ACYP2: variants seen among roughly 807,000 people sequenced by gnomAD.
ACYP2 encodes the protein acylphosphatase 2, also known as acylphosphatase-2.
A neutral mutation model predicts 11.2 loss-of-function variants in ACYP2; 12 were observed. The ratio of observed to expected loss-of-function variants is 1.08; its 90% CI spans 0.69 to 1.74. The LOEUF is 1.74. Ranked by LOEUF, ACYP2 falls within the 40% of genes most tolerant of loss-of-function variation. The probability of loss-of-function intolerance (pLI) is 0.00; values close to 1 mark genes in which losing one functional copy is unlikely to be tolerated. For synonymous variants in ACYP2, 43 were observed against 32.2 expected (o/e 1.33, Z -1.13); for missense variants, 134 against 101.9 (o/e 1.31, Z -1.35).
At chr2:54,123,295 C>A (rs28445376) in intron 4 of ACYP2, 10,069 of 398,258 alleles carry the variant, frequency 0.025, 752 homozygotes, top group African/African-American at 0.17. Context: ...TTCTACTTGC[C>A]GTACTTCAAG....
chr2:54,123,775 G>A (rs1344079196), intron 4 of ACYP2, among the ~76,000 whole-genome samples: 2 of 152,080 alleles, frequency 1.3e-5, no homozygotes, highest in East Asian at 1.9e-4. Context: ...GAGAAAAAAG[G>A]GTACCAGTGC....
chr2:54,163,489 CAGAG>C (rs1385521300), intron 6 of ACYP2, among the ~76,000 whole-genome samples: 14 of 152,136 alleles, frequency 9.2e-5, no homozygotes, highest in Admixed American at 2.6e-4. Flanking sequence ...ATTATGAAGT[CAGAG>C]AGAAAGTCCT....
intron 2 of ACYP2, among the ~76,000 whole-genome samples, chr2:53,984,476 C>A (rs1012370100): frequency 6.6e-6 from 1 of 151,596 alleles, no homozygotes; most frequent in African/African-American, 2.4e-5. Flanking sequence ...AATTGGGAGG[C>A]TGAGGCAGGA....
chr2:54,197,025 G>C (rs1684517713), intron 6 of ACYP2, among the ~76,000 whole-genome samples: 1 of 152,212 alleles, frequency 6.6e-6, no homozygotes, highest in Non-Finnish European at 1.5e-5. Flanking sequence ...TGTGTTAGGA[G>C]AAGGTACTAA....
chr2:54,117,675 T>G (rs1679893308), intron 4 of ACYP2, among the ~76,000 whole-genome samples: 1 of 152,212 alleles, frequency 6.6e-6, no homozygotes, highest in African/African-American at 2.4e-5. Context: ...TATTTGGTAC[T>G]CTAGAGGTTT....
chr2:54,097,950 T>G (rs1678685538), intron 4 of ACYP2, among the ~76,000 whole-genome samples: 1 of 145,348 alleles, frequency 6.9e-6, no homozygotes. Flanking sequence ...CCTTGTTTCT[T>G]TCTCTCCTTC....
At chr2:54,163,583 G>A (rs909338582) in intron 6 of ACYP2, among the ~76,000 whole-genome samples, 3 of 152,092 alleles carry the variant, frequency 2.0e-5, no homozygotes, top group African/African-American at 4.8e-5. Flanking sequence ...GGCTGGGGGC[G>A]GTGGCTCACG....
At chr2:54,043,104 A>T (rs920099525) in intron 2 of ACYP2, among the ~76,000 whole-genome samples, 1 of 151,736 alleles carries the variant, frequency 6.6e-6, no homozygotes, top group African/African-American at 2.4e-5. Context: ...TGTGTCTGCT[A>T]TTTTAAAACT....
chr2:54,015,577 A>T (rs996808100), intron 2 of ACYP2, among the ~76,000 whole-genome samples: 1 of 150,204 alleles, frequency 6.7e-6, no homozygotes, highest in East Asian at 2.0e-4. Flanking sequence ...GAGCCTGGGG[A>T]GGTGGAGGAT....
At chr2:54,242,664 GC>G (rs1686780176) in intron 6 of ACYP2, among the ~76,000 whole-genome samples, 1 of 152,090 alleles carries the variant, frequency 6.6e-6, no homozygotes, top group African/African-American at 2.4e-5. Flanking sequence ...TGTTACAGTT[GC>G]CTACACTATT....
At chr2:54,211,115 G>A (rs1228001810) in intron 6 of ACYP2, among the ~76,000 whole-genome samples, 3 of 152,026 alleles carry the variant, frequency 2.0e-5, no homozygotes, top group Non-Finnish European at 4.4e-5. Context: ...TCAGTTGCAT[G>A]GGGTCATCTG....
At chr2:54,143,731 C>T (rs1474893738) in intron 6 of ACYP2, among the ~76,000 whole-genome samples, 6 of 109,288 alleles carry the variant, frequency 5.5e-5, no homozygotes, top group Admixed American at 1.1e-4. Context: ...CATACCCAGC[C>T]GGTTTTTTTT....
chr2:53,980,181 C>T (rs1023036535), intron 2 of ACYP2, among the ~76,000 whole-genome samples: 5 of 151,630 alleles, frequency 3.3e-5, no homozygotes, highest in Admixed American at 2.0e-4. Flanking sequence ...AGCAAGACTC[C>T]ATCTCTACAA....
intron 6 of ACYP2, among the ~76,000 whole-genome samples, chr2:54,167,820 G>A (rs867970920): frequency 2.0e-5 from 3 of 152,138 alleles, no homozygotes; most frequent in South Asian, 2.1e-4. Flanking sequence ...GATATCTAAA[G>A]AGGTTCAGAG....
chr2:54,091,598 A>G (rs1471488512), intron 4 of ACYP2, among the ~76,000 whole-genome samples: 1 of 151,482 alleles, frequency 6.6e-6, no homozygotes, highest in African/African-American at 2.4e-5. Context: ...TGCAACCTCC[A>G]TCTCCTGGGT....
At chr2:54,241,189 T>G (rs1176056165) in intron 6 of ACYP2, among the ~76,000 whole-genome samples, 1 of 152,198 alleles carries the variant, frequency 6.6e-6, no homozygotes, top group Non-Finnish European at 1.5e-5. Context: ...TTTAATTAAG[T>G]CAATTCAGTT....
intron 6 of ACYP2, among the ~76,000 whole-genome samples, chr2:54,178,371 A>G (rs530158831): frequency 1.3e-5 from 2 of 152,292 alleles, no homozygotes; most frequent in South Asian, 2.1e-4. Flanking sequence ...CAGTAGTGCT[A>G]AGAGATTTGT....
intron 1 of ACYP2, among the ~76,000 whole-genome samples, chr2:53,972,775 AAAATT>A (rs1168443558): frequency 6.6e-6 from 1 of 152,214 alleles, no homozygotes; most frequent in African/African-American, 2.4e-5. Flanking sequence ...CTGAAAGTGA[AAAATT>A]AAAAAGGAAA....
At chr2:54,110,356 A>C (rs1345427362) in intron 4 of ACYP2, among the ~76,000 whole-genome samples, 3 of 152,192 alleles carry the variant, frequency 2.0e-5, no homozygotes, top group Non-Finnish European at 4.4e-5. Flanking sequence ...GAATATACCC[A>C]CGATGCCGTT....
Sources: allele counts gnomAD v4.1 joint callset (sites outside exome capture counted in the v4.1 genomes callset), GRCh38; gene constraint gnomAD v4.1.1; transcripts MANE v1.5; gene names NCBI Gene and HGNC (gene_info 2026-07-23, HGNC 2026-07-21).